The following MRE11 variants were observed in gnomAD, a reference collection of about 807,000 sequenced individuals.
The protein encoded by MRE11 is MRE11 double strand break repair nuclease, also known as double-strand break repair protein MRE11.
A neutral mutation model predicts 91.7 loss-of-function variants in MRE11; 62 were observed. The ratio of observed to expected loss-of-function variants is 0.68; its 90% confidence interval spans 0.55 to 0.84. MRE11 has a LOEUF of 0.84. Among genes scored for constraint, MRE11 ranks in the 40% least tolerant of loss-of-function variants. The probability of loss-of-function intolerance (pLI) is 0.00; values close to 1 mark genes in which losing one functional copy is unlikely to be tolerated. For missense variants in MRE11, 796 were observed against 852.9 expected, an observed-to-expected ratio of 0.93 and a Z score of 0.83; for synonymous variants, 273 against 271.4, an observed-to-expected ratio of 1.01 and a Z score of -0.06.
chr11:94,444,929 A>T (rs1945883155), intron 16 of MRE11, among the ~76,000 whole-genome samples: 1 of 152,182 alleles, frequency 6.6e-6, no homozygotes, highest in South Asian at 2.1e-4. Context: ...GCTAGGTAGA[A>T]AAAAGTATCA....
chr11:94,440,179 C>T (rs1341761614), intron 16 of MRE11, among the ~76,000 whole-genome samples: 3 of 152,122 alleles, frequency 2.0e-5, no homozygotes, highest in Admixed American at 6.6e-5. Flanking sequence ...TCTGACGTTT[C>T]GTATTTAGTT....
intron 4 of MRE11, among the ~76,000 whole-genome samples, chr11:94,481,527 T>C (rs1396689723): frequency 6.6e-6 from 1 of 152,234 alleles, no homozygotes; most frequent in African/African-American, 2.4e-5. Context: ...AAATTTATTT[T>C]TGCAAAGACA....
At chr11:94,483,371 T>C (rs990423320) in intron 4 of MRE11, among the ~76,000 whole-genome samples, 6 of 152,092 alleles carry the variant, frequency 3.9e-5, no homozygotes, top group African/African-American at 1.2e-4. Flanking sequence ...CCCACCCAAA[T>C]TTCATCTTGT....
chr11:94,445,617 T>A (rs547922503), intron 16 of MRE11, 193 bp downstream of exon 16: 1 of 550,020 alleles, frequency 1.8e-6, no homozygotes, highest in South Asian at 2.0e-5. Context: ...CTATAAAACA[T>A]GATTTTAAAA....
intron 19 of MRE11, among the ~76,000 whole-genome samples, chr11:94,426,855 A>C (rs1038253092): frequency 1.4e-4 from 21 of 152,192 alleles, no homozygotes; most frequent in African/African-American, 5.1e-4. Flanking sequence ...TGAACCAGGA[A>C]GAAAGTGAAA....
chr11:94,488,449 C>G lies in MRE11; in HGVS notation c.154-2365G>C, dbSNP rs143130546. On this transcript the variant is annotated intron_variant, in intron 3 of 19. Transcript: ENST00000323929. The stretch of plus-strand genomic sequence containing the variant: ...ACCATTTGACCCAGCAATTCCATTA[C>G]TTGGTATATACCCAAAGGAATATAA... Among the ~76,000 whole-genome samples the G allele has an allele frequency of 4.2e-3, 634 of 152,278 alleles. 2 individuals carry two copies. Among genetic ancestry groups the G allele is most frequent in the Non-Finnish European group, 7.6e-3 (518 of 68,026 alleles).
rs192970396 is a variant in MRE11 at position 94,428,887 on chromosome 11, A to G, written c.2070+1024T>C. On this transcript the variant is annotated intron_variant, in intron 19 of 19. Transcript: ENST00000323929. ...TCAAAAAAAAAAGAGAAAAGAAACT[A>G]TCAACAGAGTAAACAAAAAGCCTAC... 3.9e-5 allele frequency among the ~76,000 whole-genome samples: 6 copies of G among 152,232 alleles called. No individual in the cohort carries two copies. The East Asian group carries it at 7.7e-4, about 20-fold the overall frequency.
intron 16 of MRE11, among the ~76,000 whole-genome samples, chr11:94,444,966 T>A (rs1945884581): frequency 6.6e-6 from 1 of 152,210 alleles, no homozygotes; most frequent in South Asian, 2.1e-4. Flanking sequence ...ATACTTTTTG[T>A]AAATATGACT....
chr11:94,475,227 A>T (rs539652160), intron 7 of MRE11: 2 of 153,586 alleles, frequency 1.3e-5, no homozygotes, highest in South Asian at 4.0e-4. Context: ...AACAACGAAA[A>T]ATATAAATTT....
At chr11:94,502,234 T>C in the MRE11 span, among the ~76,000 whole-genome samples, 1 of 152,222 alleles carries the variant, frequency 6.6e-6, no homozygotes, top group South Asian at 2.1e-4. Context: ...ATGATGGAGG[T>C]TTGTCTATCT....
the MRE11 span, among the ~76,000 whole-genome samples, chr11:94,512,181 T>C: frequency 6.6e-6 from 1 of 152,214 alleles, no homozygotes; most frequent in African/African-American, 2.4e-5. Flanking sequence ...ATTCCAACGG[T>C]GCCGCTTCCT....
the MRE11 span, among the ~76,000 whole-genome samples, chr11:94,501,087 C>G: frequency 2.0e-5 from 3 of 152,100 alleles, no homozygotes; most frequent in South Asian, 4.1e-4. Context: ...ACTAGATGAC[C>G]ACTCAATTTG....
chr11:94,491,296 T>G (rs1457799930), intron 2 of MRE11, among the ~76,000 whole-genome samples: 2 of 152,178 alleles, frequency 1.3e-5, no homozygotes, highest in Admixed American at 6.5e-5. Context: ...ATAAATAAAC[T>G]TGTTATTTAT....
At chr11:94,454,073 A>AT (rs763249653) in intron 14 of MRE11, among the ~76,000 whole-genome samples, 2,502 of 138,778 alleles carry the variant, frequency 0.018, 29 homozygotes, top group East Asian at 0.041. Flanking sequence ...TGAACAAAAG[A>AT]TTTTTTTTTT....
rs1026063362 is a variant in MRE11, at chr11:94,417,465, A to C, written c.*2660T>G. ...TGATTAGAAGGCTAATTATGGTATT[A>C]CTGCATAGGTTTAGTATTAATGCAT... On this transcript the variant is annotated 3_prime_UTR_variant, in exon 20 of 20. Coordinates refer to ENST00000323929, the MANE Select transcript of MRE11 (RefSeq NM_005591.4). 8.6e-6 allele frequency: 2 copies of C among 232,872 alleles called. No individual in the cohort carries two copies. Among genetic ancestry groups the C allele is most frequent in the African/African-American group, 4.4e-5 (2 of 45,342 alleles). The allele number at this position is 232,872 out of a possible 1,614,324, so 14.4% of individuals were successfully genotyped here.
At chr11:94,501,904 T>C in the MRE11 span, among the ~76,000 whole-genome samples, 5 of 152,356 alleles carry the variant, frequency 3.3e-5, no homozygotes, top group South Asian at 1.0e-3. Flanking sequence ...TAAATATCAA[T>C]ATGAAATACA....
At chr11:94,430,981 G>A (rs374171808) in intron 18 of MRE11, among the ~76,000 whole-genome samples, 11 of 152,032 alleles carry the variant, frequency 7.2e-5, no homozygotes, top group Non-Finnish European at 1.3e-4. Flanking sequence ...TAATATCCCC[G>A]GTTTTGCCTC....
At chr11:94,491,336 A>G (rs1316171890) in intron 2 of MRE11, among the ~76,000 whole-genome samples, 4 of 152,216 alleles carry the variant, frequency 2.6e-5, no homozygotes, top group Non-Finnish European at 5.9e-5. Flanking sequence ...GGAAAATCGA[A>G]GTTAATTTAA....
chr11:94,425,694 A>T (rs1247171136), intron 19 of MRE11, among the ~76,000 whole-genome samples: 1 of 152,238 alleles, frequency 6.6e-6, no homozygotes, highest in Non-Finnish European at 1.5e-5. Context: ...AGGAGTCACA[A>T]TTCTTTTATC....
Sources: allele counts gnomAD v4.1 joint callset (sites outside exome capture counted in the v4.1 genomes callset), GRCh38; gene constraint gnomAD v4.1.1; transcripts MANE v1.5; gene names NCBI Gene and HGNC (gene_info 2026-07-23, HGNC 2026-07-21).